Variants in DYNC2H1 observed in about 807,000 individuals in gnomAD.
DYNC2H1 encodes the protein dynein cytoplasmic 2 heavy chain 1.
A neutral mutation model predicts 570.0 loss-of-function variants in DYNC2H1; 410 were observed. The ratio of observed to expected loss-of-function variants is 0.72; its 90% CI spans 0.66 to 0.78. The LOEUF (loss-of-function observed/expected upper bound fraction) is 0.78, where lower values mean the gene tolerates loss of function less well. Among genes scored for constraint, DYNC2H1 ranks in the 30% least tolerant of loss-of-function variants. The pLI, the probability that DYNC2H1 is intolerant of heterozygous loss-of-function variation, is 0.00. For missense variants in DYNC2H1, 4,865 were observed against 5,046.4 expected (o/e 0.96, Z 1.09); for synonymous variants, 1,688 against 1,677.6 (o/e 1.01, Z -0.15).
At chr11:103,233,428 A>G (rs2135190906) in intron 60 of DYNC2H1, among the ~76,000 whole-genome samples, 1 of 152,104 alleles carries the variant, frequency 6.6e-6, no homozygotes, top group East Asian at 1.9e-4. Context: ...TTCAAGGAAA[A>G]TAATTTAAAA....
rs753473481 is a variant in DYNC2H1, at chr11:103,123,006, T to C, written c.1661+6T>C. The C allele has an allele frequency of 2.3e-5, 32 of 1,401,278 alleles. No individual in the cohort carries two copies. The highest frequency in any genetic ancestry group is 2.9e-5 in the Non-Finnish European group (31 of 1,063,938). 86.8% of individuals were successfully genotyped at this position (1,401,278 alleles called of 1,614,324 possible). On this transcript the variant is annotated splice_donor_region_variant and intron_variant, in intron 11 of 88. Coordinates refer to ENST00000375735, the MANE Select transcript of DYNC2H1 (RefSeq NM_001377.3). Reference sequence around the variant, plus strand: ...GATTCCAGATCTGGTTTGTGGTAAGTATAGATATATTAAACTGTAAAATCC... The same window carrying C: ...GATTCCAGATCTGGTTTGTGGTAAGCATAGATATATTAAACTGTAAAATCC...
At chr11:103,332,410 G>C (rs1282496488) in intron 82 of DYNC2H1, among the ~76,000 whole-genome samples, 1 of 150,912 alleles carries the variant, frequency 6.6e-6, no homozygotes, top group Non-Finnish European at 1.5e-5. Context: ...AATCCACAAA[G>C]CTTAAAGGAC....
chr11:103,279,150 T>C (rs1866030475), intron 70 of DYNC2H1, among the ~76,000 whole-genome samples: 1 of 152,216 alleles, frequency 6.6e-6, no homozygotes, highest in South Asian at 2.1e-4. Context: ...TACAATTATA[T>C]CTTATCCATT....
chr11:103,192,273 A>G lies in DYNC2H1; in HGVS notation c.7708+9A>G, dbSNP rs375081757. ...ATTAGACAATATGTCAGGTAAGGTA[A>G]TAGAGCTTATGCAAATACATAACTA... On this transcript the variant is annotated intron_variant, in intron 47 of 88. Coordinates refer to ENST00000375735, the MANE Select transcript of DYNC2H1 (RefSeq NM_001377.3). 176 of 1,498,262 alleles carry G rather than the reference A, an allele frequency of 1.2e-4. No homozygotes were observed. The African/African-American group carries it at 2.2e-3, about 19-fold the overall frequency. 92.8% of individuals were successfully genotyped at this position (1,498,262 alleles called of 1,614,324 possible).
At chr11:103,191,474 T>C in intron 45 of DYNC2H1, 43 bp from the exon 46 acceptor site, 1 of 1,433,490 alleles carries the variant, frequency 7.0e-7, no homozygotes, top group Non-Finnish European at 9.6e-7. Flanking sequence ...ATGATTATTA[T>C]TTAAGGCAGT....
At chr11:103,371,541 G>A (rs1170679787) in intron 83 of DYNC2H1, among the ~76,000 whole-genome samples, 1 of 152,078 alleles carries the variant, frequency 6.6e-6, no homozygotes, top group African/African-American at 2.4e-5. Context: ...AAAAAGAAAG[G>A]ATCCTAAAAG....
Position 103,166,024 on chromosome 11 carries a change from A to G in DYNC2H1, c.4738A>G (p.Ser1580Gly). The G allele has an allele frequency of 6.5e-7, 1 of 1,531,124 alleles. No individual in the cohort carries two copies. Among genetic ancestry groups the G allele is most frequent in the Non-Finnish European group, 8.8e-7 (1 of 1,137,666 alleles). The allele number at this position is 1,531,124 out of a possible 1,614,324, so 94.8% of individuals were successfully genotyped here. A position where few individuals can be genotyped will look rare whatever the true frequency, so the allele number is the denominator to read the frequency against. Residue 1580 changes from serine (S) to glycine (G), a missense_variant, in exon 31 of 89, where the codon AGT (serine) becomes GGT (glycine). Around this residue, in one of 5 missense-constraint regions of DYNC2H1, gnomAD observed 1,936 missense variants for 1,962.1 expected, o/e 0.99. Transcript: ENST00000375735. The stretch of plus-strand genomic sequence containing the variant: ...AGAGCAATATACTAACATTGATACA[A>G]GTTCTGAGGATCCAGGGAATACTGG... Reference protein sequence around the residue: ...KLEQYTNIDTSSEDPGNTESG... With the variant: ...KLEQYTNIDTGSEDPGNTESG...
Position 103,120,984 on chromosome 11 carries a change from A to G in DYNC2H1, c.1308A>G (p.Glu436=). The G allele has an allele frequency of 6.3e-7, 1 of 1,590,762 alleles. No individual in the cohort carries two copies. The highest frequency in any genetic ancestry group is 8.6e-7 in the Non-Finnish European group (1 of 1,169,492). Residue 436 remains glutamate (E), a synonymous_variant, in exon 9 of 89, where the codon GAA becomes GAG. Coordinates refer to ENST00000375735, the MANE Select transcript of DYNC2H1 (RefSeq NM_001377.3). ...TAAAGCGTCCAACTATAAGCAAAGA[A>G]TTGATGTTAGAAAGAGAAACTTTAC... The part of the protein sequence containing the change: ...ELVKRPTISK[E]LMLERETLLA...
intron 84 of DYNC2H1, among the ~76,000 whole-genome samples, chr11:103,435,385 G>A (rs1283600264): frequency 6.6e-6 from 1 of 152,152 alleles, no homozygotes; most frequent in Non-Finnish European, 1.5e-5. Flanking sequence ...GAATACTTGT[G>A]AAGAGTCTGC....
chr11:103,206,726 T>C (rs1019467043), intron 52 of DYNC2H1, among the ~76,000 whole-genome samples: 1 of 152,142 alleles, frequency 6.6e-6, no homozygotes, highest in South Asian at 2.1e-4. Context: ...GAATTGATCA[T>C]TGGGTTTAGC....
At chr11:103,362,410 C>T (rs1216913490) in intron 83 of DYNC2H1, among the ~76,000 whole-genome samples, 2 of 137,352 alleles carry the variant, frequency 1.5e-5, no homozygotes, top group Non-Finnish European at 3.1e-5. Context: ...TTTAATCTTG[C>T]CTTGCTTTTC....
chr11:103,137,716 T>C (rs1004444526), intron 17 of DYNC2H1, among the ~76,000 whole-genome samples: 1 of 152,104 alleles, frequency 6.6e-6, no homozygotes, highest in Non-Finnish European at 1.5e-5. Flanking sequence ...GTGGGCTCTT[T>C]TTTGGTTCCA....
chr11:103,288,688 A>AAAAAAAAAAAG (rs1392437777), intron 75 of DYNC2H1, among the ~76,000 whole-genome samples: 15 of 141,648 alleles, frequency 1.1e-4, no homozygotes, highest in Admixed American at 2.2e-4. Context: ...CTCTACTAAA[A>AAAAAAAAAAAG]AAAAAAAAAA....
intron 82 of DYNC2H1, among the ~76,000 whole-genome samples, chr11:103,344,139 G>GT (rs1459093858): frequency 1.3e-5 from 2 of 152,136 alleles, no homozygotes; most frequent in Non-Finnish European, 2.9e-5. Flanking sequence ...TCAGAAAAAT[G>GT]TTTTAAGAGT....
chr11:103,291,129 T>C (rs908423216), intron 75 of DYNC2H1, among the ~76,000 whole-genome samples: 3 of 152,236 alleles, frequency 2.0e-5, no homozygotes, highest in African/African-American at 4.8e-5. Context: ...GATAGTTTGA[T>C]AGCTGACCTA....
At chr11:103,155,281 A>T in intron 24 of DYNC2H1, 50 bp from the exon 25 acceptor site, 3 of 1,495,812 alleles carry the variant, frequency 2.0e-6, no homozygotes, top group Non-Finnish European at 2.7e-6. Flanking sequence ...TTTTGCTAAT[A>T]TATGTATATG....
In DYNC2H1 at chr11:103,181,230, A is replaced by G. The variant is rs957974882; in HGVS notation, c.6348-527A>G. 6.6e-6 allele frequency among the ~76,000 whole-genome samples: 1 copy of G among 151,604 alleles called. No individual in the cohort carries two copies. The highest frequency in any genetic ancestry group is 1.5e-5 in the Non-Finnish European group (1 of 67,680). ...GTAGTTGGATTTTTATAGGATAGAG[A>G]AAAAGTGTTTCTAAAGATCTGTATT... On this transcript the variant is annotated intron_variant, in intron 39 of 88. Transcript: ENST00000375735. This position sits in a 1 kb window ranked among gnomAD's most constrained non-coding sequence, Gnocchi z 5.0.
intron 83 of DYNC2H1, among the ~76,000 whole-genome samples, chr11:103,378,732 T>C (rs766657700): frequency 7.2e-5 from 11 of 152,226 alleles, no homozygotes; most frequent in Non-Finnish European, 1.2e-4. Flanking sequence ...TCTGAAAATA[T>C]CTTTATTTCA....
intron 75 of DYNC2H1, 151 bp from the exon 76 acceptor site, chr11:103,302,942 A>T (rs1237378247): frequency 4.0e-6 from 2 of 497,528 alleles, no homozygotes; most frequent in East Asian, 7.6e-5. Flanking sequence ...GGCTATTACT[A>T]GTATATTATT....
Sources: allele counts gnomAD v4.1 joint callset (sites outside exome capture counted in the v4.1 genomes callset), GRCh38; gene constraint gnomAD v4.1.1; regional missense constraint gnomAD v4.1.1; non-coding constraint Gnocchi (gnomAD v3.1); transcripts MANE v1.5; gene names NCBI Gene and HGNC (gene_info 2026-07-23, HGNC 2026-07-21).